Variants in FRRS1 observed in about 807,000 individuals in gnomAD.
FRRS1 encodes ferric reductase 1.
In FRRS1, 51 loss-of-function variants were observed where a neutral mutation model predicts 70.7. The observed-to-expected ratio is 0.72, with a 90% confidence interval of 0.58 to 0.91. FRRS1 has a LOEUF of 0.91. Ranked by LOEUF, FRRS1 falls within the 40% of genes least tolerant of loss-of-function variation. FRRS1 has a pLI of 0.00. For synonymous variants in FRRS1, 225 were observed against 238.7 expected (o/e 0.94, Z 0.53); for missense variants, 672 against 726.0 (o/e 0.93, Z 0.86).
At chr1:99,717,216 T>C (rs538238482) in intron 11 of FRRS1, among the ~76,000 whole-genome samples, 194 bp downstream of exon 11, 6 of 152,328 alleles carry the variant, frequency 3.9e-5, no homozygotes, top group Admixed American at 2.6e-4. Context: ...TTCCTAAAAC[T>C]GTCTGTATTC....
rs1349838114 is a variant in FRRS1 at position 99,708,222 on chromosome 1, CTAAA to C, written c.*802_*805del. ...AAAAAACTAAACTGAAAAACAGTTT[CTAAA>C]TAAAGTCCACAGACCATTCAGATAA... On this transcript the variant is annotated 3_prime_UTR_variant, in exon 17 of 17. Coordinates refer to ENST00000646001, the MANE Select transcript of FRRS1 (RefSeq NM_001361041.2). Among the ~76,000 whole-genome samples the C allele has an allele frequency of 6.6e-6, 1 of 152,134 alleles. No individual in the cohort carries two copies. Among genetic ancestry groups the C allele is most frequent in the Non-Finnish European group, 1.5e-5 (1 of 68,014 alleles).
intron 4 of FRRS1, among the ~76,000 whole-genome samples, chr1:99,743,721 G>T (rs978914536): frequency 1.3e-5 from 2 of 152,096 alleles, no homozygotes; most frequent in Admixed American, 6.5e-5. Flanking sequence ...GCTAATTTTT[G>T]TATTGTTTTG....
At chr1:99,715,008 G>C (rs886180371) in intron 12 of FRRS1, among the ~76,000 whole-genome samples, 1 of 152,072 alleles carries the variant, frequency 6.6e-6, no homozygotes, top group Non-Finnish European at 1.5e-5. Flanking sequence ...TACTATATTT[G>C]AGATTTAAAA....
chr1:99,705,741 G>T lies in FRRS1; in HGVS notation c.*3287C>A, dbSNP rs915643714. On this transcript the variant is annotated 3_prime_UTR_variant, in exon 17 of 17. Transcript: ENST00000646001. ...TTTGCCCTTAAGATTGATTTCTGCA[G>T]ACCAGAGAATTTTTTTATTGCCTCA... is the stretch of plus-strand genomic sequence containing the variant. 6.6e-6 allele frequency among the ~76,000 whole-genome samples: 1 copy of T among 152,170 alleles called. No homozygotes were observed. The highest frequency in any genetic ancestry group is 2.4e-5 in the African/African-American group (1 of 41,430).
chr1:99,743,943 C>T (rs191429853), intron 4 of FRRS1, among the ~76,000 whole-genome samples: 1 of 151,784 alleles, frequency 6.6e-6, no homozygotes, highest in Admixed American at 6.6e-5. Context: ...TCTCAAGAAG[C>T]AGAGAAAACT....
At chr1:99,748,444 G>A in intron 3 of FRRS1, 129 bp downstream of exon 3, 4 of 766,566 alleles carry the variant, frequency 5.2e-6, no homozygotes, top group Non-Finnish European at 8.6e-6. Context: ...CCAAAAATAA[G>A]AAGTATGATA....
chr1:99,718,733 A>G (rs1654659631), intron 10 of FRRS1, among the ~76,000 whole-genome samples: 1 of 152,200 alleles, frequency 6.6e-6, no homozygotes, highest in Admixed American at 6.5e-5. Flanking sequence ...TATGCTCTCA[A>G]ATACTTGTAC....
chr1:99,722,415 C>T (rs1049780725), intron 9 of FRRS1, among the ~76,000 whole-genome samples: 7 of 152,174 alleles, frequency 4.6e-5, no homozygotes, highest in African/African-American at 1.4e-4. Context: ...GCACCCCACA[C>T]ATTCGCACAC....
chr1:99,717,985 G>A (rs1654616689), intron 10 of FRRS1, among the ~76,000 whole-genome samples: 1 of 152,136 alleles, frequency 6.6e-6, no homozygotes, highest in South Asian at 2.1e-4. Flanking sequence ...ACTCCAAAAG[G>A]CAGTGAAAAA....
chr1:99,752,908 C>G (rs1191261057), intron 1 of FRRS1, among the ~76,000 whole-genome samples: 2 of 151,964 alleles, frequency 1.3e-5, no homozygotes, highest in African/African-American at 4.8e-5. Flanking sequence ...AGGAACAGGA[C>G]AAGGGGGCTG....
intron 14 of FRRS1, 118 bp from the exon 15 acceptor site, chr1:99,711,067 A>T: frequency 4.6e-6 from 4 of 862,430 alleles, no homozygotes; most frequent in Non-Finnish European, 5.2e-6. Flanking sequence ...ATAAAAGAAG[A>T]TTAATATCTA....
At position 99,738,239 on chromosome 1, in the gene FRRS1, C is replaced by G. The variant is rs775599535; in HGVS notation, c.606G>C (p.Lys202Asn). 17 of 1,606,540 alleles carry G rather than the reference C, an allele frequency of 1.1e-5. No individual in the cohort carries two copies. The highest frequency in any genetic ancestry group is 2.5e-6 in the Non-Finnish European group (3 of 1,177,626). Reference sequence around the variant, plus strand: ...AGTTCAAAGGACTCCTAATACAGAACTTCTTGTTCCCACAATCTGAGGCAC... The same window carrying G: ...AGTTCAAAGGACTCCTAATACAGAAGTTCTTGTTCCCACAATCTGAGGCAC... ...PFSASDCGNK[K>N]FCIRSPLNCD... Residue 202 changes from lysine (K) to asparagine (N), a missense_variant, in exon 7 of 17, where the codon AAG (lysine) becomes AAC (asparagine). Transcript: ENST00000646001.
At chr1:99,712,341 C>T (rs1291604057) in intron 13 of FRRS1, 77 bp downstream of exon 13, 7 of 1,143,288 alleles carry the variant, frequency 6.1e-6, no homozygotes, top group Non-Finnish European at 6.3e-6. Flanking sequence ...CAAAATTTTT[C>T]CATTTGAAAA....
chr1:99,752,037 C>A (rs1266613995), intron 1 of FRRS1, among the ~76,000 whole-genome samples: 1 of 152,080 alleles, frequency 6.6e-6, no homozygotes, highest in Non-Finnish European at 1.5e-5. Context: ...CCTCTCTCAG[C>A]CTTCATAGAA....
chr1:99,730,829 T>G (rs1240946652), intron 7 of FRRS1, among the ~76,000 whole-genome samples: 1 of 143,606 alleles, frequency 7.0e-6, no homozygotes, highest in Non-Finnish European at 1.5e-5. Context: ...ATCGCGCCAC[T>G]GCACTCCAGC....
chr1:99,750,180 G>A (rs1656502845), intron 1 of FRRS1, among the ~76,000 whole-genome samples: 1 of 152,144 alleles, frequency 6.6e-6, no homozygotes, highest in Non-Finnish European at 1.5e-5. Flanking sequence ...GAACCTTGAA[G>A]CGGTTGTGAA....
In FRRS1 at chr1:99,712,467, C is replaced by G; in HGVS notation, c.1372G>C (p.Val458Leu). 1 of 1,613,500 alleles carries G rather than the reference C, an allele frequency of 6.2e-7. No homozygotes were observed. Among genetic ancestry groups the G allele is most frequent in the South Asian group, 1.1e-5 (1 of 90,976 alleles). The change falls in exon 13 of 17, where the codon GTT becomes CTT. Residue 458 changes from valine to leucine, a missense_variant. By Grantham distance (32) the Val-to-Leu change is conservative (BLOSUM62 1). Transcript: ENST00000646001. Reference protein sequence around the residue: ...YLGCIVMTLAVLQPLLAVFRP... With the variant: ...YLGCIVMTLALLQPLLAVFRP... ...AAGACTGCCAGAAGAGGCTGAAGAA[C>G]TGCCAAAGTCATCACTATACAGCCG...
intron 9 of FRRS1, among the ~76,000 whole-genome samples, chr1:99,727,047 G>A (rs1655112977): frequency 6.6e-6 from 1 of 152,132 alleles, no homozygotes; most frequent in African/African-American, 2.4e-5. Context: ...TGAATACACA[G>A]GCTCTAAAGG....
rs1489050357 is a variant in FRRS1, at chr1:99,728,660, G to C, written c.859-20C>G. The C allele has an allele frequency of 6.2e-7, 1 of 1,608,594 alleles. No homozygotes were observed. The highest frequency in any genetic ancestry group is 1.7e-5 in the Admixed American group (1 of 59,724). On this transcript the variant is annotated intron_variant, in intron 8 of 16. Coordinates refer to ENST00000646001, the MANE Select transcript of FRRS1 (RefSeq NM_001361041.2). ...GGTATCCTACAAACACACACAATGG[G>C]TCTTCTCAGCACTTTCCAAAGATTT...
Sources: gnomAD v4.1 joint callset for allele counts (sites outside exome capture counted in the v4.1 genomes callset) on GRCh38, gnomAD v4.1.1 for gene constraint, MANE v1.5 for transcripts, NCBI Gene and HGNC (gene_info 2026-07-23, HGNC 2026-07-21) for gene names.